The following FRMD3 variants were observed in gnomAD, a reference collection of about 807,000 sequenced individuals.
FRMD3 encodes FERM domain-containing protein 3.
Under a neutral mutation model 70.2 loss-of-function variants are expected in FRMD3, and 33 were observed. The ratio of observed to expected loss-of-function variants is 0.47; its 90% CI spans 0.36 to 0.63. The LOEUF (loss-of-function observed/expected upper bound fraction) is 0.63, where lower values mean the gene tolerates loss of function less well. Among genes scored for constraint, FRMD3 ranks in the 20% least tolerant of loss-of-function variants. FRMD3 has a pLI of 0.00. For synonymous variants in FRMD3, 279 were observed against 255.9 expected, an observed-to-expected ratio of 1.09 and a Z score of -0.86; for missense variants, 632 against 711.4, an observed-to-expected ratio of 0.89 and a Z score of 1.27.
chr9:83,330,509 A>C (rs1836218268), intron 6 of FRMD3, among the ~76,000 whole-genome samples: 1 of 152,220 alleles, frequency 6.6e-6, no homozygotes, highest in African/African-American at 2.4e-5. Flanking sequence ...TAGTTTTACA[A>C]ACAAATATGG....
intron 4 of FRMD3, among the ~76,000 whole-genome samples, chr9:83,347,573 TA>T (rs1381962489): frequency 6.6e-6 from 1 of 152,202 alleles, no homozygotes; most frequent in South Asian, 2.1e-4. Context: ...AGATAAAGGA[TA>T]AAAAATGATT....
At chr9:83,457,563 T>C (rs530153391) in intron 1 of FRMD3, among the ~76,000 whole-genome samples, 1 of 152,314 alleles carries the variant, frequency 6.6e-6, no homozygotes, top group African/African-American at 2.4e-5. Context: ...CTTTAAAACA[T>C]CTCTAGATTC....
At position 83,388,039 on chromosome 9, in the gene FRMD3, G is replaced by A. The variant is rs956115951; in HGVS notation, c.252+1565C>T. 3.9e-5 allele frequency among the ~76,000 whole-genome samples: 6 copies of A among 152,108 alleles called. No homozygotes were observed. The South Asian group carries it at 1.2e-3, about 32-fold the overall frequency. On this transcript the variant is annotated intron_variant, in intron 2 of 13. Coordinates refer to ENST00000304195, the MANE Select transcript of FRMD3 (RefSeq NM_174938.6). ...TCCCCACCACTGCCCTGCCACCTTC[G>A]TCTCACTCAGGTAAATGCCTGGACC...
At chr9:83,324,914 C>T (rs1294553298) in intron 6 of FRMD3, among the ~76,000 whole-genome samples, 2 of 152,210 alleles carry the variant, frequency 1.3e-5, no homozygotes, top group African/African-American at 2.4e-5. Context: ...CTGGTACCAA[C>T]ATCATCACCA....
intron 8 of FRMD3, among the ~76,000 whole-genome samples, chr9:83,311,574 C>T (rs1251409459): frequency 1.3e-5 from 2 of 152,066 alleles, no homozygotes; most frequent in Non-Finnish European, 2.9e-5. Context: ...GAACTCACAC[C>T]TTTACCCTGC....
At chr9:83,324,369 G>A (rs10121282) in intron 6 of FRMD3, among the ~76,000 whole-genome samples, 83,887 of 151,960 alleles carry the variant, frequency 0.55, 23,898 homozygotes, top group Non-Finnish European at 0.63. Context: ...GTCTGGGAGG[G>A]GCACATAGGA....
downstream of FRMD3, among the ~76,000 whole-genome samples, chr9:83,243,592 G>T (rs1831949483): frequency 6.6e-6 from 1 of 152,174 alleles, no homozygotes; most frequent in African/African-American, 2.4e-5. Context: ...TAACCCAAAG[G>T]CACTGGCTTG....
intron 10 of FRMD3, among the ~76,000 whole-genome samples, chr9:83,308,685 C>G (rs546433402): frequency 2.0e-5 from 3 of 152,292 alleles, no homozygotes; most frequent in South Asian, 2.1e-4. Flanking sequence ...CTTTTGAAAC[C>G]TGAGAGCTTT....
intron 1 of FRMD3, among the ~76,000 whole-genome samples, chr9:83,401,062 G>A (rs1825938649): frequency 6.6e-6 from 1 of 152,128 alleles, no homozygotes; most frequent in African/African-American, 2.4e-5. Flanking sequence ...TAATTAACAA[G>A]CATTCACTTA....
chr9:83,423,382 G>A (rs1031684045), intron 1 of FRMD3, among the ~76,000 whole-genome samples: 20 of 152,026 alleles, frequency 1.3e-4, no homozygotes, highest in Non-Finnish European at 2.5e-4. Flanking sequence ...CCCAGAACAT[G>A]CGGTGGTAAC....
At chr9:83,464,978 C>A (rs1408735826) in intron 1 of FRMD3, among the ~76,000 whole-genome samples, 1 of 150,568 alleles carries the variant, frequency 6.6e-6, no homozygotes, top group Non-Finnish European at 1.5e-5. Context: ...CAATATTGCA[C>A]CACTGCACTC....
Position 83,538,282 on chromosome 9 carries a change from C to T in FRMD3, c.-51G>A, listed in dbSNP as rs983941416. 6.6e-7 allele frequency: 1 copy of T among 1,521,378 alleles called. No individual in the cohort carries two copies. Among genetic ancestry groups the T allele is most frequent in the Middle Eastern group, 2.1e-4 (1 of 4,710 alleles). 94.2% of individuals were successfully genotyped at this position (1,521,378 alleles called of 1,614,324 possible). A position where few individuals can be genotyped will look rare whatever the true frequency, so the allele number is the denominator to read the frequency against. ...GGAGGCTCAGGGCCGGCGCGGTGCTCGCCTGCGCGGACACACACGCTCGCA... is the reference window on the plus strand; with the variant it reads ...GGAGGCTCAGGGCCGGCGCGGTGCTTGCCTGCGCGGACACACACGCTCGCA... On this transcript the variant is annotated 5_prime_UTR_variant, in exon 1 of 14. Transcript: ENST00000304195. The surrounding 1 kb of genome is among the most constrained non-coding windows in gnomAD (Gnocchi z 4.7).
intron 13 of FRMD3, chr9:83,267,409 G>A (rs1833320025): frequency 8.7e-6 from 7 of 805,284 alleles, no homozygotes; most frequent in Middle Eastern, 8.5e-4. Context: ...TAAACCTTCC[G>A]GACCAAAACA....
At chr9:83,468,872 G>T (rs1464009838) in intron 1 of FRMD3, among the ~76,000 whole-genome samples, 1 of 152,148 alleles carries the variant, frequency 6.6e-6, no homozygotes, top group African/African-American at 2.4e-5. Flanking sequence ...TCCTCTTTGG[G>T]GCCAAGCCCA....
intron 1 of FRMD3, among the ~76,000 whole-genome samples, chr9:83,415,902 A>T: frequency 6.6e-6 from 1 of 152,196 alleles, no homozygotes; most frequent in East Asian, 1.9e-4. Flanking sequence ...TATTGATTGG[A>T]CATGGTGCTG....
At chr9:83,368,765 A>G (rs1025134153) in intron 3 of FRMD3, among the ~76,000 whole-genome samples, 2 of 152,192 alleles carry the variant, frequency 1.3e-5, no homozygotes, top group Admixed American at 6.5e-5. Flanking sequence ...ATTTTGTGTC[A>G]TTAGATTTAA....
At chr9:83,394,953 T>A (rs550107943) in intron 1 of FRMD3, among the ~76,000 whole-genome samples, 1 of 152,166 alleles carries the variant, frequency 6.6e-6, no homozygotes, top group Non-Finnish European at 1.5e-5. Flanking sequence ...AACTTCCAGA[T>A]GTATCCCCAA....
At position 83,349,742 on chromosome 9, in the gene FRMD3, G is replaced by C; in HGVS notation, c.311C>G (p.Thr104Ser). ...FKQMKTHPPY[T>S]MCFRVKFYPH... is the part of the protein sequence containing the mutation. The stretch of plus-strand genomic sequence containing the variant: ...GTAGAATTTCACTCTAAAGCACATG[G>C]TGTATGGTGGATGAGCTGAAACATC... The change falls in exon 4 of 14, where the codon ACC becomes AGC. Residue 104 changes from threonine to serine, a missense_variant. Thr to Ser is a moderately conservative substitution (Grantham distance 58, BLOSUM62 1). Coordinates refer to ENST00000304195, the MANE Select transcript of FRMD3 (RefSeq NM_174938.6). 6.2e-7 allele frequency: 1 copy of C among 1,610,992 alleles called. No individual in the cohort carries two copies. Among genetic ancestry groups the C allele is most frequent in the Non-Finnish European group, 8.5e-7 (1 of 1,177,868 alleles).
chr9:83,493,750 G>A (rs3860941), intron 1 of FRMD3, among the ~76,000 whole-genome samples: 74,316 of 152,034 alleles, frequency 0.49, 18,625 homozygotes, highest in Middle Eastern at 0.53. Context: ...GGATCAGATC[G>A]CATAGATCAG....
Sources: allele counts gnomAD v4.1 joint callset (sites outside exome capture counted in the v4.1 genomes callset), GRCh38; gene constraint gnomAD v4.1.1; non-coding constraint Gnocchi (gnomAD v3.1); transcripts MANE v1.5; gene names NCBI Gene and HGNC (gene_info 2026-07-23, HGNC 2026-07-21).